Variants in DYNC1I1 observed in about 807,000 individuals in gnomAD.
DYNC1I1 encodes dynein cytoplasmic 1 intermediate chain 1, also known as cytoplasmic dynein 1 intermediate chain 1.
Under a neutral mutation model 86.6 loss-of-function variants are expected in DYNC1I1, and 43 were observed. The observed-to-expected ratio is 0.50, with a 90% confidence interval of 0.39 to 0.64. The LOEUF (loss-of-function observed/expected upper bound fraction) is 0.64, where lower values mean the gene tolerates loss of function less well. Ranked by LOEUF, DYNC1I1 falls within the 30% of genes least tolerant of loss-of-function variation. The pLI is 0.00. For missense variants in DYNC1I1, 604 were observed against 788.8 expected (o/e 0.77, Z 2.81); for synonymous variants, 262 against 283.7 (o/e 0.92, Z 0.77).
intron 14 of DYNC1I1, among the ~76,000 whole-genome samples, chr7:96,062,689 T>C (rs1238158132): frequency 2.6e-5 from 4 of 152,184 alleles, no homozygotes; most frequent in Non-Finnish European, 5.9e-5. Flanking sequence ...CAGGAACCTA[T>C]TCAACAGTAA....
chr7:95,938,620 T>G (rs1052371409), intron 6 of DYNC1I1, among the ~76,000 whole-genome samples: 1 of 152,198 alleles, frequency 6.6e-6, no homozygotes, highest in Non-Finnish European at 1.5e-5. Context: ...TTCTGCCCAT[T>G]TTTCTCATCT....
intron 16 of DYNC1I1, among the ~76,000 whole-genome samples, chr7:96,091,985 A>G (rs1790862513): frequency 6.6e-6 from 1 of 152,314 alleles, no homozygotes; most frequent in African/African-American, 2.4e-5. Context: ...TAGTTACAAT[A>G]AATACTTATA....
At chr7:95,866,648 A>G (rs1790025214) in intron 5 of DYNC1I1, among the ~76,000 whole-genome samples, 1 of 152,278 alleles carries the variant, frequency 6.6e-6, no homozygotes, top group South Asian at 2.1e-4. Flanking sequence ...CTAAAACAGC[A>G]GCAAAATAGG....
chr7:95,808,367 T>G (rs1394967574), intron 2 of DYNC1I1, among the ~76,000 whole-genome samples: 1 of 152,158 alleles, frequency 6.6e-6, no homozygotes, highest in Admixed American at 6.6e-5. Flanking sequence ...ACCACCCAAG[T>G]TGATTATCTC....
chr7:95,949,771 G>T (rs1238129357), intron 6 of DYNC1I1, among the ~76,000 whole-genome samples: 1 of 152,200 alleles, frequency 6.6e-6, no homozygotes, highest in Non-Finnish European at 1.5e-5. Context: ...GGAAATGTAT[G>T]TTGTTCATCT....
chr7:95,840,185 C>T (rs567769094), intron 5 of DYNC1I1, among the ~76,000 whole-genome samples: 53 of 152,130 alleles, frequency 3.5e-4, no homozygotes, highest in Non-Finnish European at 7.2e-4. Context: ...GGTTCTCCTT[C>T]TGTGAGTTTC....
chr7:96,108,550 T>A (rs1349244019), intron 16 of DYNC1I1, among the ~76,000 whole-genome samples: 1 of 152,066 alleles, frequency 6.6e-6, no homozygotes, highest in Non-Finnish European at 1.5e-5. Flanking sequence ...AATAGTGAAG[T>A]CACCTAGGCT....
intron 4 of DYNC1I1, among the ~76,000 whole-genome samples, chr7:95,821,051 A>AT (rs1795065442): frequency 6.6e-6 from 1 of 152,194 alleles, no homozygotes; most frequent in African/African-American, 2.4e-5. Context: ...TTATTATTTC[A>AT]TTTTTTAATA....
intron 5 of DYNC1I1, among the ~76,000 whole-genome samples, chr7:95,859,630 C>G (rs1789822546): frequency 1.3e-5 from 2 of 152,184 alleles, no homozygotes; most frequent in Non-Finnish European, 2.9e-5. Context: ...CTGCCTGCCA[C>G]TGAGAGCTGT....
At chr7:95,853,038 G>C (rs2116078369) in intron 5 of DYNC1I1, among the ~76,000 whole-genome samples, 1 of 151,866 alleles carries the variant, frequency 6.6e-6, no homozygotes, top group African/African-American at 2.4e-5. Flanking sequence ...TGCTCAGAAG[G>C]GTATTGTTTA....
chr7:95,788,121 CT>C (rs947802606), intron 1 of DYNC1I1, among the ~76,000 whole-genome samples: 7 of 152,112 alleles, frequency 4.6e-5, no homozygotes, highest in African/African-American at 1.7e-4. Flanking sequence ...CATTGGAGAA[CT>C]TTTTGCAGAG....
At chr7:95,912,511 C>A (rs999125906) in intron 6 of DYNC1I1, among the ~76,000 whole-genome samples, 10 of 152,198 alleles carry the variant, frequency 6.6e-5, no homozygotes, top group African/African-American at 2.2e-4. Flanking sequence ...GTCTTTCCCA[C>A]TCCTTGATTT....
chr7:95,941,460 C>T (rs187869189), intron 6 of DYNC1I1, among the ~76,000 whole-genome samples: 18 of 152,220 alleles, frequency 1.2e-4, no homozygotes, highest in African/African-American at 4.1e-4. Flanking sequence ...CCACCCAGTT[C>T]GAGCTTCCCG....
intron 6 of DYNC1I1, among the ~76,000 whole-genome samples, chr7:95,967,973 C>T (rs1470332526): frequency 1.3e-5 from 2 of 152,090 alleles, no homozygotes; most frequent in Admixed American, 1.3e-4. Flanking sequence ...TGGGGCCAGA[C>T]CTTAGAGGAC....
intron 6 of DYNC1I1, among the ~76,000 whole-genome samples, chr7:95,966,948 A>G (rs982357619): frequency 6.6e-5 from 10 of 152,158 alleles, no homozygotes; most frequent in African/African-American, 1.4e-4. Context: ...AGGAAAGGAA[A>G]ACACTTTGAT....
At chr7:96,083,174 A>G (rs1241398381) in intron 16 of DYNC1I1, among the ~76,000 whole-genome samples, 6 of 152,182 alleles carry the variant, frequency 3.9e-5, no homozygotes, top group African/African-American at 4.8e-5. Context: ...GAAAATCAGG[A>G]TAAGCTTATA....
At chr7:95,817,283 T>C (rs146517180) in intron 4 of DYNC1I1, among the ~76,000 whole-genome samples, 9 of 152,166 alleles carry the variant, frequency 5.9e-5, no homozygotes, top group African/African-American at 2.2e-4. Context: ...GACACTGAGA[T>C]GCGCAGAGAG....
intron 6 of DYNC1I1, among the ~76,000 whole-genome samples, chr7:95,928,934 T>C (rs1791816376): frequency 6.6e-6 from 1 of 152,208 alleles, no homozygotes; most frequent in Admixed American, 6.5e-5. Context: ...GCCTGGCTTC[T>C]TTCCTTTCTC....
intron 14 of DYNC1I1, among the ~76,000 whole-genome samples, chr7:96,051,195 T>C (rs1328727678): frequency 1.3e-5 from 2 of 152,196 alleles, no homozygotes; most frequent in Non-Finnish European, 2.9e-5. Context: ...TGGATTCCAG[T>C]TAAATTTTGG....
Sources: gnomAD v4.1 joint callset for allele counts (sites outside exome capture counted in the v4.1 genomes callset) on GRCh38, gnomAD v4.1.1 for gene constraint, MANE v1.5 for transcripts, NCBI Gene and HGNC (gene_info 2026-07-23, HGNC 2026-07-21) for gene names.